Variants in GUCY1B1 observed in about 807,000 individuals in gnomAD.
GUCY1B1 encodes the protein guanylate cyclase 1 soluble subunit beta 1.
GUCY1B1 carries 43 observed loss-of-function variants against 71.0 expected under a neutral mutation model. The ratio of observed to expected loss-of-function variants is 0.61; its 90% confidence interval spans 0.47 to 0.78. GUCY1B1 has a LOEUF of 0.78. Among genes scored for constraint, GUCY1B1 ranks in the 30% least tolerant of loss-of-function variants. GUCY1B1 has a pLI of 0.00. For missense variants in GUCY1B1, 535 were observed against 754.1 expected, an observed-to-expected ratio of 0.71 and a Z score of 3.40; for synonymous variants, 266 against 259.7, an observed-to-expected ratio of 1.02 and a Z score of -0.23.
intron 3 of GUCY1B1, among the ~76,000 whole-genome samples, chr4:155,777,002 A>G (rs1305118854): frequency 6.6e-6 from 1 of 152,208 alleles, no homozygotes; most frequent in Non-Finnish European, 1.5e-5. Flanking sequence ...GAATACTTGC[A>G]TATCCATAAG....
rs181914785 is a variant in GUCY1B1 at position 155,772,121 on chromosome 4, A to T, written c.78-2847A>T. 2.7e-4 allele frequency among the ~76,000 whole-genome samples: 41 copies of T among 152,238 alleles called. No homozygotes were observed. The East Asian group carries it at 4.8e-3, about 18-fold the overall frequency. ...AATGTTTGTATATTACGTTTTCATA[A>T]TTTTTTGATATCTCACTGACTTTTG... On this transcript the variant is annotated intron_variant, in intron 2 of 13. Transcript: ENST00000264424.
chr4:155,779,694 G>A (rs1294278839), intron 4 of GUCY1B1, among the ~76,000 whole-genome samples: 2 of 152,132 alleles, frequency 1.3e-5, no homozygotes, highest in Non-Finnish European at 2.9e-5. Flanking sequence ...AGATATTTAT[G>A]TTATCATTAG....
chr4:155,781,695 G>A (rs1738428709), intron 4 of GUCY1B1, among the ~76,000 whole-genome samples: 1 of 151,700 alleles, frequency 6.6e-6, no homozygotes, highest in Admixed American at 6.6e-5. Context: ...TAAAATATAA[G>A]AAATATTTTT....
At chr4:155,792,160 A>G (rs1554012284) in intron 5 of GUCY1B1, among the ~76,000 whole-genome samples, 6 of 152,176 alleles carry the variant, frequency 3.9e-5, no homozygotes, top group Non-Finnish European at 8.8e-5. Flanking sequence ...GGATTCTCAC[A>G]TTAAGTTTAT....
rs1427490904 is a variant in GUCY1B1, at chr4:155,806,420, A to G, written c.*11A>G. On this transcript the variant is annotated 3_prime_UTR_variant, in exon 14 of 14. Coordinates refer to ENST00000264424, the MANE Select transcript of GUCY1B1 (RefSeq NM_000857.5). ...CAGGATGATGACTGAATCTTGGATTATGGGGTGAAGAGGAGTACAGACTAG... is the reference window on the plus strand; with the variant it reads ...CAGGATGATGACTGAATCTTGGATTGTGGGGTGAAGAGGAGTACAGACTAG... The G allele has an allele frequency of 6.3e-7, 1 of 1,597,670 alleles. No homozygotes were observed. The highest frequency in any genetic ancestry group is 8.6e-7 in the Non-Finnish European group (1 of 1,165,800).
Position 155,759,038 on chromosome 4 carries a change from C to A in GUCY1B1, c.-103C>A, listed in dbSNP as rs899727891. The A allele has an allele frequency of 7.9e-7, 1 of 1,257,876 alleles. No individual in the cohort carries two copies. The allele number at this position is 1,257,876 out of a possible 1,614,324, so 77.9% of individuals were successfully genotyped here. A position where few individuals can be genotyped will look rare whatever the true frequency, so the allele number is the denominator to read the frequency against. Reference sequence around the variant, plus strand: ...CTGTTCTCGCTCCAGCTCGATGCTGCCTCCCCGGCCCGGTTGCGCTGTAGC... The same window carrying A: ...CTGTTCTCGCTCCAGCTCGATGCTGACTCCCCGGCCCGGTTGCGCTGTAGC... On this transcript the variant is annotated 5_prime_UTR_variant, in exon 1 of 14. Coordinates refer to ENST00000264424, the MANE Select transcript of GUCY1B1 (RefSeq NM_000857.5).
At chr4:155,759,323 G>T in intron 1 of GUCY1B1, 180 bp downstream of exon 1, 1 of 602,604 alleles carries the variant, frequency 1.7e-6, no homozygotes, top group Admixed American at 3.4e-5. Context: ...GCCGCGAGTC[G>T]TGGCGGGGGC....
intron 2 of GUCY1B1, among the ~76,000 whole-genome samples, chr4:155,764,926 G>A (rs1372232012): frequency 2.0e-5 from 3 of 152,004 alleles, no homozygotes; most frequent in African/African-American, 7.3e-5. Flanking sequence ...GTTTGTGGGT[G>A]TTTCTTTTGA....
intron 2 of GUCY1B1, among the ~76,000 whole-genome samples, chr4:155,773,917 G>A (rs1328970048): frequency 6.6e-6 from 1 of 152,130 alleles, no homozygotes; most frequent in African/African-American, 2.4e-5. Context: ...TTGATCTCCT[G>A]ACCTCGTGAT....
In GUCY1B1 at chr4:155,794,211, G is replaced by A; in HGVS notation, c.726+125G>A. 8 of 572,260 alleles carry A rather than the reference G, an allele frequency of 1.4e-5. 1 individual carries two copies. In the South Asian group the frequency reaches 2.2e-4, roughly 16 times the overall value. The allele number at this position is 572,260 out of a possible 1,614,324, so 35.4% of individuals were successfully genotyped here. A position where few individuals can be genotyped will look rare whatever the true frequency, so the allele number is the denominator to read the frequency against. ...TTAGGTAATATGCAGTTTATTGTAA[G>A]TTACACAAATTGTTTAATTGTGAAC... On this transcript the variant is annotated intron_variant, in intron 6 of 13. Coordinates refer to ENST00000264424, the MANE Select transcript of GUCY1B1 (RefSeq NM_000857.5).
intron 2 of GUCY1B1, among the ~76,000 whole-genome samples, 190 bp downstream of exon 2, chr4:155,760,050 C>A (rs776328506): frequency 1.3e-5 from 2 of 151,988 alleles, no homozygotes; most frequent in African/African-American, 2.4e-5. Flanking sequence ...AGGGGAGGGG[C>A]GGCTGGGGCG....
chr4:155,772,743 A>G, intron 2 of GUCY1B1: 1 of 702,508 alleles, frequency 1.4e-6, no homozygotes, highest in Non-Finnish European at 2.6e-6. Flanking sequence ...TTTAATGCTT[A>G]TGTGCTTTAT....
At position 155,759,044 on chromosome 4, in the gene GUCY1B1, C is replaced by T. The variant is rs1736745307; in HGVS notation, c.-97C>T. 2.3e-6 allele frequency: 3 copies of T among 1,318,416 alleles called. No individual in the cohort carries two copies. Among genetic ancestry groups the T allele is most frequent in the Non-Finnish European group, 2.1e-6 (2 of 940,568 alleles). 81.7% of individuals were successfully genotyped at this position (1,318,416 alleles called of 1,614,324 possible). On this transcript the variant is annotated 5_prime_UTR_variant, in exon 1 of 14. Coordinates refer to ENST00000264424, the MANE Select transcript of GUCY1B1 (RefSeq NM_000857.5). Reference sequence around the variant, plus strand: ...TCGCTCCAGCTCGATGCTGCCTCCCCGGCCCGGTTGCGCTGTAGCCGCTGC... The same window carrying T: ...TCGCTCCAGCTCGATGCTGCCTCCCTGGCCCGGTTGCGCTGTAGCCGCTGC...
chr4:155,759,715 G>A, intron 1 of GUCY1B1, 72 bp from the exon 2 acceptor site: 2 of 1,084,434 alleles, frequency 1.8e-6, no homozygotes, highest in Admixed American at 3.6e-5. Context: ...AGCAGAGGCA[G>A]CAGCCTCGCC....
Position 155,803,737 on chromosome 4 carries a change from G to A in GUCY1B1, c.1527G>A (p.Gln509=). 6.3e-7 allele frequency: 1 copy of A among 1,596,590 alleles called. No individual in the cohort carries two copies. The highest frequency in any genetic ancestry group is 8.5e-7 in the Non-Finnish European group (1 of 1,171,730). The change falls in exon 11 of 14, where the codon CAG becomes CAA. Residue 509 remains glutamine (Q), a synonymous_variant. Transcript: ENST00000264424. ...TGGACATGATGGAAATTGCTGGCCA[G>A]GTTCAAGTAGATGGTGAATCTGTTC... The part of the protein sequence containing the change: ...LALDMMEIAG[Q]VQVDGESVQI...
intron 2 of GUCY1B1, among the ~76,000 whole-genome samples, chr4:155,760,829 T>G (rs912799011): frequency 7.9e-5 from 12 of 152,212 alleles, no homozygotes; most frequent in Non-Finnish European, 1.5e-4. Flanking sequence ...CTGTTATTAT[T>G]CACTCTGATT....
chr4:155,803,712 T>C lies in GUCY1B1; in HGVS notation c.1502T>C (p.Leu501Ser). The C allele has an allele frequency of 1.9e-6, 3 of 1,602,180 alleles. No homozygotes were observed. The South Asian group carries it at 3.4e-5, about 18-fold the overall frequency. The change falls in exon 11 of 14, where the codon TTG (leucine) becomes TCG (serine). Residue 501 changes from leucine to serine, a missense_variant. By Grantham distance (145) the Leu-to-Ser change is moderately radical (BLOSUM62 -2). Coordinates refer to ENST00000264424, the MANE Select transcript of GUCY1B1 (RefSeq NM_000857.5). Reference sequence around the variant, plus strand: ...GCACGATCCATCTGCCACCTGGCCTTGGACATGATGGAAATTGCTGGCCAG... The same window carrying C: ...GCACGATCCATCTGCCACCTGGCCTCGGACATGATGGAAATTGCTGGCCAG... ...HHARSICHLA[L>S]DMMEIAGQVQ...
chr4:155,776,595 G>A (rs1359405113), intron 3 of GUCY1B1, among the ~76,000 whole-genome samples: 4 of 151,952 alleles, frequency 2.6e-5, no homozygotes, highest in South Asian at 2.1e-4. Flanking sequence ...GCCTGAACCC[G>A]GGAGGTGGAG....
At chr4:155,786,631 T>G (rs1267160605) in intron 4 of GUCY1B1, among the ~76,000 whole-genome samples, 1 of 151,720 alleles carries the variant, frequency 6.6e-6, no homozygotes, top group South Asian at 2.1e-4. Context: ...CGCCACACCC[T>G]GCTAATTTCT....
Sources: allele counts gnomAD v4.1 joint callset (sites outside exome capture counted in the v4.1 genomes callset), GRCh38; gene constraint gnomAD v4.1.1; transcripts MANE v1.5; gene names NCBI Gene and HGNC (gene_info 2026-07-23, HGNC 2026-07-21).